Variants in ADAMTS3 observed in about 807,000 individuals in gnomAD.
ADAMTS3 encodes A disintegrin and metalloproteinase with thrombospondin motifs 3.
In ADAMTS3, 73 loss-of-function variants were observed where a neutral mutation model predicts 129.0. The observed-to-expected ratio is 0.57, with a 90% confidence interval of 0.47 to 0.69. The LOEUF (loss-of-function observed/expected upper bound fraction) is 0.69. Ranked by LOEUF, ADAMTS3 falls within the 30% of genes least tolerant of loss-of-function variation. The probability of loss-of-function intolerance (pLI) is 0.00; values close to 1 mark genes in which losing one functional copy is unlikely to be tolerated. For missense variants in ADAMTS3, 1,457 were observed against 1,514.5 expected, an observed-to-expected ratio of 0.96 and a Z score of 0.63; for synonymous variants, 477 against 510.8, an observed-to-expected ratio of 0.93 and a Z score of 0.89.
chr4:72,564,960 G>A (rs1170536558), intron 2 of ADAMTS3, among the ~76,000 whole-genome samples: 1 of 152,106 alleles, frequency 6.6e-6, no homozygotes, highest in Non-Finnish European at 1.5e-5. Context: ...CTTTCATAAC[G>A]GGAGAATGCT....
chr4:72,406,088 G>A (rs1204326080), intron 4 of ADAMTS3, among the ~76,000 whole-genome samples: 1 of 152,096 alleles, frequency 6.6e-6, no homozygotes, highest in Non-Finnish European at 1.5e-5. Context: ...GAGGGCTGCT[G>A]AATCAGTGTC....
intron 3 of ADAMTS3, among the ~76,000 whole-genome samples, chr4:72,509,092 T>C (rs371957258): frequency 1.3e-5 from 2 of 151,732 alleles, no homozygotes; most frequent in African/African-American, 4.8e-5. Flanking sequence ...AATGGAAACA[T>C]GACGTATTAA....
intron 3 of ADAMTS3, among the ~76,000 whole-genome samples, chr4:72,416,564 C>T (rs1475268611): frequency 6.6e-6 from 1 of 152,142 alleles, no homozygotes; most frequent in African/African-American, 2.4e-5. Context: ...TGCTGATCTT[C>T]CAGATACTCC....
chr4:72,425,904 A>T (rs4593095), intron 3 of ADAMTS3, among the ~76,000 whole-genome samples: 1 of 149,654 alleles, frequency 6.7e-6, no homozygotes, highest in African/African-American at 2.5e-5. Context: ...CTGAGGAATC[A>T]CCACACTGAC....
At chr4:72,452,096 T>TAAC (rs1041548324) in intron 3 of ADAMTS3, among the ~76,000 whole-genome samples, 1 of 151,562 alleles carries the variant, frequency 6.6e-6, no homozygotes, top group African/African-American at 2.4e-5. Context: ...TTTCAAACAA[T>TAAC]AACAACAACA....
At chr4:72,567,321 C>A in intron 2 of ADAMTS3, 53 bp downstream of exon 2, 1 of 1,578,102 alleles carries the variant, frequency 6.3e-7, no homozygotes, top group South Asian at 1.1e-5. Flanking sequence ...TAGCTCACTT[C>A]ATTCCCTTAC....
intron 5 of ADAMTS3, among the ~76,000 whole-genome samples, chr4:72,323,346 A>T (rs1420042534): frequency 6.6e-6 from 1 of 152,228 alleles, no homozygotes; most frequent in Non-Finnish European, 1.5e-5. Flanking sequence ...GGGCTTTGTT[A>T]TACTAGTGCA....
At chr4:72,350,547 T>A (rs1701426075) in intron 4 of ADAMTS3, among the ~76,000 whole-genome samples, 1 of 152,042 alleles carries the variant, frequency 6.6e-6, no homozygotes, top group East Asian at 1.9e-4. Flanking sequence ...TGTATTCCTA[T>A]AAATATTCTT....
chr4:72,387,869 C>CAA lies in ADAMTS3; in HGVS notation c.661+26944_661+26945dup, dbSNP rs138949703. On this transcript the variant is annotated intron_variant, in intron 4 of 21. Coordinates refer to ENST00000286657, the MANE Select transcript of ADAMTS3 (RefSeq NM_014243.3). Reference sequence around the variant, plus strand: ...CCCCCAGTATGTAATTAACAAAAGACAAAAAAAAAACTTTCTGCAAGTTCC... The same window carrying CAA: ...CCCCCAGTATGTAATTAACAAAAGACAAAAAAAAAAAACTTTCTGCAAGTTCC... 2.4e-3 allele frequency among the ~76,000 whole-genome samples: 355 copies of CAA among 146,452 alleles called. 4 individuals carry two copies. The highest frequency in any genetic ancestry group is 0.013 in the Admixed American group (190 of 14,796).
intron 4 of ADAMTS3, among the ~76,000 whole-genome samples, chr4:72,345,899 A>G (rs369212585): frequency 6.6e-5 from 10 of 152,124 alleles, no homozygotes; most frequent in East Asian, 3.9e-4. Flanking sequence ...AAAAACTTCT[A>G]TGTCAGCGAG....
chr4:72,338,804 G>A (rs201855815), intron 5 of ADAMTS3, among the ~76,000 whole-genome samples: 2 of 151,960 alleles, frequency 1.3e-5, no homozygotes, highest in Non-Finnish European at 2.9e-5. Context: ...GGTGGTTTAC[G>A]TATTATTATT....
chr4:72,501,895 T>A (rs1056113051), intron 3 of ADAMTS3, among the ~76,000 whole-genome samples: 9 of 152,188 alleles, frequency 5.9e-5, no homozygotes, highest in Non-Finnish European at 1.5e-5. Context: ...TCTAATTCTG[T>A]TTATATGGTG....
At chr4:72,496,095 C>T (rs1251522947) in intron 3 of ADAMTS3, among the ~76,000 whole-genome samples, 1 of 152,094 alleles carries the variant, frequency 6.6e-6, no homozygotes, top group East Asian at 1.9e-4. Flanking sequence ...AATTATTAGA[C>T]TTTTCTCAGT....
chr4:72,317,645 A>G (rs1008428444), intron 10 of ADAMTS3, among the ~76,000 whole-genome samples: 2 of 152,128 alleles, frequency 1.3e-5, no homozygotes, highest in African/African-American at 4.8e-5. Context: ...CCTCACACCA[A>G]TCTTATCAGA....
intron 3 of ADAMTS3, among the ~76,000 whole-genome samples, chr4:72,473,873 C>T (rs940343603): frequency 9.2e-5 from 14 of 152,188 alleles, no homozygotes; most frequent in Admixed American, 2.6e-4. Flanking sequence ...TTCACCATTG[C>T]CTGGTAATAA....
intron 14 of ADAMTS3, among the ~76,000 whole-genome samples, 198 bp from the exon 15 acceptor site, chr4:72,309,718 A>C (rs1212786192): frequency 6.6e-6 from 1 of 152,176 alleles, no homozygotes; most frequent in South Asian, 2.1e-4. Context: ...TACCCTAAGT[A>C]ATAAAGAATA....
intron 3 of ADAMTS3, among the ~76,000 whole-genome samples, chr4:72,491,040 G>A (rs1403323340): frequency 6.6e-6 from 1 of 151,760 alleles, no homozygotes; most frequent in East Asian, 1.9e-4. Context: ...CACTTATTTG[G>A]TTAAGTTTAT....
At chr4:72,318,512 G>A in intron 10 of ADAMTS3, 60 bp downstream of exon 10, 1 of 1,570,580 alleles carries the variant, frequency 6.4e-7, no homozygotes, top group Non-Finnish European at 8.7e-7. Flanking sequence ...ATCTCACCAA[G>A]CAGGAGCTAC....
chr4:72,568,814 A>AACC lies in ADAMTS3; in HGVS notation c.-55_-53dup. The stretch of plus-strand genomic sequence containing the variant: ...CTGGGCAAAGCAAATGCCCAGAGCA[A>AACC]ACCCACCCCCCCCGCCCAAAATAAG... On this transcript the variant is annotated 5_prime_UTR_variant, in exon 1 of 22. Coordinates refer to ENST00000286657, the MANE Select transcript of ADAMTS3 (RefSeq NM_014243.3). 1.5e-6 allele frequency: 2 copies of AACC among 1,354,098 alleles called. No individual in the cohort carries two copies. The highest frequency in any genetic ancestry group is 2.0e-6 in the Non-Finnish European group (2 of 980,440). 83.9% of individuals were successfully genotyped at this position (1,354,098 alleles called of 1,614,324 possible). A position where few individuals can be genotyped will look rare whatever the true frequency, so the allele number is the denominator to read the frequency against.
Sources: allele counts gnomAD v4.1 joint callset (sites outside exome capture counted in the v4.1 genomes callset), GRCh38; gene constraint gnomAD v4.1.1; transcripts MANE v1.5; gene names NCBI Gene and HGNC (gene_info 2026-07-23, HGNC 2026-07-21).